The following KIAA1217 variants were observed in gnomAD, a reference collection of about 807,000 sequenced individuals.
KIAA1217 encodes the protein sickle tail protein homolog.
Under a neutral mutation model 163.9 loss-of-function variants are expected in KIAA1217, and 88 were observed. The observed-to-expected ratio is 0.54, with a 90% CI of 0.45 to 0.64. KIAA1217 has a LOEUF of 0.64. Among genes scored for constraint, KIAA1217 ranks in the 30% least tolerant of loss-of-function variants. KIAA1217 has a pLI of 0.00. For missense variants in KIAA1217, 2,372 were observed against 2,475.0 expected (o/e 0.96, Z 0.88); for synonymous variants, 903 against 923.1 (o/e 0.98, Z 0.39).
rs2075595822 is a variant in KIAA1217 at position 24,545,185 on chromosome 10, G to A, written c.5334+82G>A. The A allele has an allele frequency of 1.3e-5, 21 of 1,572,302 alleles. No homozygotes were observed. In the South Asian group the frequency reaches 2.5e-4, roughly 18 times the overall value. Reference sequence around the variant, plus strand: ...TGACTTAGTTTATACCAAATATTGTGCTTTCTTTGTAAGATAACGGTTTAC... The same window carrying A: ...TGACTTAGTTTATACCAAATATTGTACTTTCTTTGTAAGATAACGGTTTAC... On this transcript the variant is annotated intron_variant, in intron 20 of 20. Coordinates refer to ENST00000376454, the MANE Select transcript of KIAA1217 (RefSeq NM_019590.5).
chr10:24,387,662 C>T (rs1417972436), intron 3 of KIAA1217, among the ~76,000 whole-genome samples: 2 of 152,232 alleles, frequency 1.3e-5, no homozygotes, highest in African/African-American at 4.8e-5. Context: ...CCCCCGTTGT[C>T]TCAGCCCAAA....
At chr10:24,385,912 G>T (rs1398959105) in intron 3 of KIAA1217, among the ~76,000 whole-genome samples, 2 of 152,186 alleles carry the variant, frequency 1.3e-5, no homozygotes, top group Non-Finnish European at 1.5e-5. Context: ...TAATCATGGT[G>T]CTGTCTTAGA....
chr10:24,153,997 G>T (rs1408446568), intron 2 of KIAA1217, among the ~76,000 whole-genome samples: 1 of 146,560 alleles, frequency 6.8e-6, no homozygotes, highest in Non-Finnish European at 1.5e-5. Context: ...TCGCTCTGTC[G>T]CCCAGGCTGG....
At chr10:24,287,216 A>AT (rs2078631907) in intron 2 of KIAA1217, among the ~76,000 whole-genome samples, 1 of 152,004 alleles carries the variant, frequency 6.6e-6, no homozygotes, top group South Asian at 2.1e-4. Flanking sequence ...CGCCGAGCTA[A>AT]TTTTTTGTAT....
intron 3 of KIAA1217, among the ~76,000 whole-genome samples, chr10:24,412,796 C>T (rs1176946003): frequency 6.6e-6 from 1 of 152,164 alleles, no homozygotes. Context: ...AGGATGATGA[C>T]CGCTGTAGCC....
intron 2 of KIAA1217, among the ~76,000 whole-genome samples, chr10:24,025,399 T>C (rs1847896479): frequency 6.6e-6 from 1 of 151,842 alleles, no homozygotes; most frequent in Non-Finnish European, 1.5e-5. Context: ...CCAAACATAC[T>C]TTCTTGCCAA....
At chr10:24,186,521 C>T (rs1266455169) in intron 2 of KIAA1217, among the ~76,000 whole-genome samples, 1 of 152,156 alleles carries the variant, frequency 6.6e-6, no homozygotes, top group Non-Finnish European at 1.5e-5. Context: ...ATACCTTTTC[C>T]TCTTCCAATT....
chr10:23,936,558 C>A (rs1306750561), intron 1 of KIAA1217, among the ~76,000 whole-genome samples: 7 of 152,140 alleles, frequency 4.6e-5, no homozygotes, highest in Non-Finnish European at 1.0e-4. Context: ...AGAGGATACA[C>A]ACAGAGAAGA....
At chr10:24,197,899 C>G (rs192101876) in intron 2 of KIAA1217, among the ~76,000 whole-genome samples, 2 of 152,344 alleles carry the variant, frequency 1.3e-5, no homozygotes, top group East Asian at 1.9e-4. Context: ...GGACCTGACA[C>G]CTGTCCTGGT....
intron 16 of KIAA1217, among the ~76,000 whole-genome samples, chr10:24,536,213 C>T (rs1178959491): frequency 1.3e-5 from 2 of 152,106 alleles, no homozygotes; most frequent in African/African-American, 4.8e-5. Context: ...CTAGGCCACT[C>T]GGAATGACAT....
At chr10:23,982,252 A>C (rs1346754400) in intron 1 of KIAA1217, among the ~76,000 whole-genome samples, 1 of 152,180 alleles carries the variant, frequency 6.6e-6, no homozygotes. Flanking sequence ...GGTATCAGGG[A>C]ATCTGTGCAA....
chr10:23,862,500 T>G (rs987684171), intron 1 of KIAA1217, among the ~76,000 whole-genome samples: 1 of 152,164 alleles, frequency 6.6e-6, no homozygotes, highest in Admixed American at 6.6e-5. Flanking sequence ...AGCTTTTATC[T>G]CTCTCTTTGG....
At chr10:24,465,724 A>G (rs2062871320) in intron 5 of KIAA1217, among the ~76,000 whole-genome samples, 1 of 152,188 alleles carries the variant, frequency 6.6e-6, no homozygotes, top group South Asian at 2.1e-4. Flanking sequence ...TGAGAGCTGC[A>G]CAAGTCACTT....
intron 2 of KIAA1217, among the ~76,000 whole-genome samples, chr10:24,017,636 T>A (rs186370793): frequency 6.6e-6 from 1 of 152,194 alleles, no homozygotes; most frequent in Admixed American, 6.5e-5. Flanking sequence ...CCTAAAAAGC[T>A]GGATAAAATT....
intron 1 of KIAA1217, among the ~76,000 whole-genome samples, chr10:23,825,806 C>A (rs1479138992): frequency 1.3e-5 from 2 of 152,090 alleles, no homozygotes; most frequent in African/African-American, 4.8e-5. Flanking sequence ...GACTGAGATC[C>A]AATGCTGACT....
chr10:24,368,216 C>T (rs1323658143), intron 2 of KIAA1217, among the ~76,000 whole-genome samples: 2 of 152,154 alleles, frequency 1.3e-5, no homozygotes, highest in Non-Finnish European at 2.9e-5. Context: ...TTTATTATTT[C>T]CGTGCGCATG....
intron 9 of KIAA1217, among the ~76,000 whole-genome samples, chr10:24,504,645 T>C (rs7924067): frequency 0.3 from 45,784 of 152,118 alleles, 7,179 homozygotes; most frequent in Middle Eastern, 0.4. Flanking sequence ...AAAATTGAAT[T>C]AGAAATTCAA....
rs538627622 is a variant in KIAA1217 at position 23,714,542 on chromosome 10, A to T, written c.-321+19308A>T. 2.0e-5 allele frequency among the ~76,000 whole-genome samples: 3 copies of T among 152,210 alleles called. No individual in the cohort carries two copies. The East Asian group carries it at 5.8e-4, about 29-fold the overall frequency. On this transcript the variant is annotated intron_variant, in intron 1 of 18. Transcript: ENST00000376462. Reference sequence around the variant, plus strand: ...CCTGAATACGCTATGCTGCCTCAAGATTCCTGCCTTTTCACCTGCTGGTCC... The same window carrying T: ...CCTGAATACGCTATGCTGCCTCAAGTTTCCTGCCTTTTCACCTGCTGGTCC...
At chr10:24,377,149 G>T (rs1031954427) in intron 2 of KIAA1217, among the ~76,000 whole-genome samples, 1 of 152,168 alleles carries the variant, frequency 6.6e-6, no homozygotes, top group South Asian at 2.1e-4. Flanking sequence ...GACAAGTGGG[G>T]TTCAGGTGGC....
Sources: allele counts gnomAD v4.1 joint callset (sites outside exome capture counted in the v4.1 genomes callset), GRCh38; gene constraint gnomAD v4.1.1; transcripts MANE v1.5; gene names NCBI Gene and HGNC (gene_info 2026-07-23, HGNC 2026-07-21).